COL16A1: variants seen among roughly 807,000 people sequenced by gnomAD.
COL16A1 encodes the protein collagen alpha-1(XVI) chain.
A neutral mutation model predicts 266.3 loss-of-function variants in COL16A1; 189 were observed. The observed-to-expected ratio is 0.71, with a 90% CI of 0.63 to 0.80. The LOEUF is 0.80. COL16A1 is among the 30% of genes least tolerant of loss of function. The probability of loss-of-function intolerance (pLI) is 0.00; values close to 1 mark genes in which losing one functional copy is unlikely to be tolerated. For synonymous variants in COL16A1, 740 were observed against 782.3 expected, an observed-to-expected ratio of 0.95 and a Z score of 0.90; for missense variants, 1,928 against 2,122.4, an observed-to-expected ratio of 0.91 and a Z score of 1.80.
rs997987502 is a variant in COL16A1 at position 31,664,006 on chromosome 1, A to G, written c.3555+1166T>C. 4.6e-5 allele frequency among the ~76,000 whole-genome samples: 7 copies of G among 152,134 alleles called. No homozygotes were observed. Among genetic ancestry groups the G allele is most frequent in the Admixed American group, 4.6e-4 (7 of 15,280 alleles). Reference sequence around the variant, plus strand: ...ATGAACTCGGGGGCTCTGTAATGCCACCAGCCACCAGGAGGGGTCAGCAGA... The same window carrying G: ...ATGAACTCGGGGGCTCTGTAATGCCGCCAGCCACCAGGAGGGGTCAGCAGA... On this transcript the variant is annotated intron_variant, in intron 56 of 70. Transcript: ENST00000373672. This position sits in a 1 kb window ranked among gnomAD's most constrained non-coding sequence, Gnocchi z 5.5.
At chr1:31,673,145 C>T in intron 44 of COL16A1, 1 of 440,542 alleles carries the variant, frequency 2.3e-6, no homozygotes, top group South Asian at 2.0e-5. Context: ...TCTGTCCCGG[C>T]TGTTCCTGCA....
intron 63 of COL16A1, 71 bp from the exon 64 acceptor site, chr1:31,658,648 C>G: frequency 7.3e-7 from 1 of 1,362,998 alleles, no homozygotes; most frequent in East Asian, 2.4e-5. Context: ...TAGCCAGAGA[C>G]AGACACCCCA....
chr1:31,679,551 T>A (rs570919732), intron 42 of COL16A1, 81 bp downstream of exon 42: 4 of 1,613,964 alleles, frequency 2.5e-6, no homozygotes, highest in East Asian at 4.5e-5. Flanking sequence ...GGGAGCAGCA[T>A]CCTTGGGGTC....
intron 67 of COL16A1, 114 bp from the exon 68 acceptor site, chr1:31,654,972 T>TAA: frequency 1.4e-5 from 1 of 69,558 alleles, no homozygotes. Context: ...CCACAGATTC[T>TAA]TTTTTTTTTT....
intron 68 of COL16A1, 52 bp from the exon 69 acceptor site, chr1:31,654,095 C>G: frequency 6.4e-7 from 1 of 1,566,222 alleles, no homozygotes. Flanking sequence ...CCCAGGGACT[C>G]AGAATGACTG....
At position 31,670,556 on chromosome 1, in the gene COL16A1, C is replaced by G. The variant is rs1437129247; in HGVS notation, c.3195+46G>C. 2.2e-6 allele frequency: 3 copies of G among 1,353,616 alleles called. No homozygotes were observed. The highest frequency in any genetic ancestry group is 2.9e-6 in the Non-Finnish European group (3 of 1,047,778). The allele number at this position is 1,353,616 out of a possible 1,614,324, so 83.9% of individuals were successfully genotyped here. On this transcript the variant is annotated intron_variant, in intron 49 of 70. Coordinates refer to ENST00000373672, the MANE Select transcript of COL16A1 (RefSeq NM_001856.4). This position sits in a 1 kb window ranked among gnomAD's most constrained non-coding sequence, Gnocchi z 4.5. ...GGAGACAAGCAAAAGCCACAGAGACCTGGCTGACGGGGGGGAGGGGAGGTC... is the reference window on the plus strand; with the variant it reads ...GGAGACAAGCAAAAGCCACAGAGACGTGGCTGACGGGGGGGAGGGGAGGTC...
intron 49 of COL16A1, among the ~76,000 whole-genome samples, chr1:31,669,455 T>C (rs142192519): frequency 1.1e-4 from 16 of 152,112 alleles, no homozygotes; most frequent in African/African-American, 3.9e-4. Context: ...CCCCCACCCC[T>C]AATTCCTTAC....
Position 31,668,712 on chromosome 1 carries a change from C to T in COL16A1, c.3249+90G>A. 6.9e-7 allele frequency: 1 copy of T among 1,447,994 alleles called. No individual in the cohort carries two copies. Among genetic ancestry groups the T allele is most frequent in the Non-Finnish European group, 9.7e-7 (1 of 1,031,200 alleles). The allele number at this position is 1,447,994 out of a possible 1,614,324, so 89.7% of individuals were successfully genotyped here. ...CAAGGAGTCCACCTCCCAGCTTCCA[C>T]TCAGCAGCCACCCTTCAGAGCTCAA... On this transcript the variant is annotated intron_variant, in intron 50 of 70. Coordinates refer to ENST00000373672, the MANE Select transcript of COL16A1 (RefSeq NM_001856.4). This position sits in a 1 kb window ranked among gnomAD's most constrained non-coding sequence, Gnocchi z 5.8.
At chr1:31,658,625 G>C in intron 63 of COL16A1, 48 bp from the exon 64 acceptor site, 1 of 1,496,032 alleles carries the variant, frequency 6.7e-7, no homozygotes, top group Non-Finnish European at 9.2e-7. Context: ...AGCAGGCAAA[G>C]TGGACTCCCA....
chr1:31,697,837 G>T lies in COL16A1; in HGVS notation c.657+69C>A. ...GCAGGAGAAGGACTTGTTCCGATAC[G>T]GATTCCAGGAAGCCCACTCAGGTTC... On this transcript the variant is annotated intron_variant, in intron 6 of 70. Transcript: ENST00000373672. This position sits in a 1 kb window ranked among gnomAD's most constrained non-coding sequence, Gnocchi z 4.2. The T allele has an allele frequency of 6.6e-7, 1 of 1,507,834 alleles. No homozygotes were observed. Among genetic ancestry groups the T allele is most frequent in the Non-Finnish European group, 8.9e-7 (1 of 1,122,872 alleles). 93.4% of individuals were successfully genotyped at this position (1,507,834 alleles called of 1,614,324 possible).
At chr1:31,687,878 C>G (rs758102052) in intron 26 of COL16A1, among the ~76,000 whole-genome samples, 5 of 152,182 alleles carry the variant, frequency 3.3e-5, no homozygotes, top group Non-Finnish European at 5.9e-5. Context: ...ATTTGGGTAA[C>G]ACTGCATTAG....
At chr1:31,674,658 C>T (rs558300424) in intron 44 of COL16A1, among the ~76,000 whole-genome samples, 1 of 152,348 alleles carries the variant, frequency 6.6e-6, no homozygotes, top group Admixed American at 6.5e-5. Context: ...ACTTTCACCC[C>T]CTCTGCTTTG....
rs543956577 is a variant in COL16A1, at chr1:31,657,281, C to G, written c.4021-213G>C. On this transcript the variant is annotated intron_variant, in intron 64 of 70. Transcript: ENST00000373672. The surrounding 1 kb of genome is among the most constrained non-coding windows in gnomAD (Gnocchi z 6.4). ...ATCCCAGAGCCCCAACAGCTCCCAG[C>G]CCCCGTCTACAAGAGCTTTACAAGG... is the stretch of plus-strand genomic sequence containing the variant. 2 of 603,694 alleles carry G rather than the reference C, an allele frequency of 3.3e-6. No individual in the cohort carries two copies. The highest frequency in any genetic ancestry group is 3.7e-5 in the African/African-American group (2 of 54,084). 37.4% of individuals were successfully genotyped at this position (603,694 alleles called of 1,614,324 possible).
rs1261276674 is a variant in COL16A1 at position 31,690,403 on chromosome 1, A to C, written c.1483-10T>G. 7 of 1,614,154 alleles carry C rather than the reference A, an allele frequency of 4.3e-6. No individual in the cohort carries two copies. The highest frequency in any genetic ancestry group is 5.9e-6 in the Non-Finnish European group (7 of 1,180,016). On this transcript the variant is annotated splice_polypyrimidine_tract_variant and intron_variant, in intron 21 of 70. Coordinates refer to ENST00000373672, the MANE Select transcript of COL16A1 (RefSeq NM_001856.4). ...TCACACCTGGCTTCCCCTGTTAGAAAAGAGGCAATGGGCATCAGTGCCAGG... is the reference window on the plus strand; with the variant it reads ...TCACACCTGGCTTCCCCTGTTAGAACAGAGGCAATGGGCATCAGTGCCAGG...
intron 60 of COL16A1, 74 bp downstream of exon 60, chr1:31,661,340 C>A: frequency 6.2e-7 from 1 of 1,609,240 alleles, no homozygotes; most frequent in South Asian, 1.1e-5. Flanking sequence ...CCAGGATAGG[C>A]TGCCATGTAT....
Position 31,663,099 on chromosome 1 carries a change from A to C in COL16A1, c.3556-441T>G. On this transcript the variant is annotated intron_variant, in intron 56 of 70. Coordinates refer to ENST00000373672, the MANE Select transcript of COL16A1 (RefSeq NM_001856.4). The surrounding 1 kb of genome is among the most constrained non-coding windows in gnomAD (Gnocchi z 4.9). ...GGGCCCGGGCTGCACAGAGGCCTCA[A>C]CAGCGCACGCAGCACCATGTGGGCT... 4.7e-6 allele frequency: 1 copy of C among 213,214 alleles called. No individual in the cohort carries two copies. 13.2% of individuals were successfully genotyped at this position (213,214 alleles called of 1,614,324 possible).
intron 52 of COL16A1, among the ~76,000 whole-genome samples, chr1:31,666,761 C>T (rs1321342347): frequency 6.6e-6 from 1 of 152,184 alleles, no homozygotes; most frequent in Non-Finnish European, 1.5e-5. Flanking sequence ...CATATGCCAC[C>T]TGCTCAGAGA....
intron 37 of COL16A1, among the ~76,000 whole-genome samples, chr1:31,681,287 C>T (rs1248407598): frequency 6.6e-6 from 1 of 152,256 alleles, no homozygotes; most frequent in Non-Finnish European, 1.5e-5. Flanking sequence ...GGGCCAAGTA[C>T]CCGTCGGGGA....
chr1:31,702,691 C>T (rs752601296), intron 1 of COL16A1, among the ~76,000 whole-genome samples: 4 of 152,168 alleles, frequency 2.6e-5, no homozygotes, highest in Non-Finnish European at 4.4e-5. Flanking sequence ...ACCTTACTAG[C>T]GCACCCAGCT....
Sources: gnomAD v4.1 joint callset for allele counts (sites outside exome capture counted in the v4.1 genomes callset) on GRCh38, gnomAD v4.1.1 for gene constraint, Gnocchi (gnomAD v3.1) non-coding constraint, MANE v1.5 for transcripts, NCBI Gene and HGNC (gene_info 2026-07-23, HGNC 2026-07-21) for gene names.